Variants in CERS3 observed in about 807,000 individuals in gnomAD.
The protein encoded by CERS3 is ceramide synthase 3, also known as LAG1 homolog, ceramide synthase 3.
A neutral mutation model predicts 50.3 loss-of-function variants in CERS3; 33 were observed. The observed-to-expected ratio is 0.66, with a 90% CI of 0.50 to 0.88. CERS3 has a LOEUF of 0.88. Among genes scored for constraint, CERS3 ranks in the 40% least tolerant of loss-of-function variants. The pLI is 0.00. For missense variants in CERS3, 470 were observed against 460.3 expected (o/e 1.02, Z -0.19); for synonymous variants, 176 against 155.2 (o/e 1.13, Z -0.99).
At chr15:100,460,093 TA>T (rs1480645114) in intron 10 of CERS3, among the ~76,000 whole-genome samples, 3 of 152,176 alleles carry the variant, frequency 2.0e-5, no homozygotes, top group Non-Finnish European at 2.9e-5. Context: ...GCAAAGTAAT[TA>T]AAAAAATTTT....
chr15:100,487,400 T>C (rs2035520042), intron 4 of CERS3, among the ~76,000 whole-genome samples: 1 of 152,226 alleles, frequency 6.6e-6, no homozygotes, highest in Non-Finnish European at 1.5e-5. Context: ...CCCTATGAGA[T>C]AAGCAATATA....
Position 100,477,864 on chromosome 15 carries a change from C to T in CERS3, c.516+1564G>A, listed in dbSNP as rs372253049. 2.8e-4 allele frequency among the ~76,000 whole-genome samples: 43 copies of T among 152,304 alleles called. No individual in the cohort carries two copies. The South Asian group carries it at 7.5e-3, about 26-fold the overall frequency. ...AGAATATGGGTAAGTTGTGAATATA[C>T]TTGCCTTCACAAAGACTGAAGTCTA... On this transcript the variant is annotated intron_variant, in intron 7 of 11. Coordinates refer to ENST00000679737, the MANE Select transcript of CERS3 (RefSeq NM_001378789.1).
At chr15:100,499,492 GTCTC>G (rs1303399489) in intron 3 of CERS3, among the ~76,000 whole-genome samples, 1 of 152,100 alleles carries the variant, frequency 6.6e-6, no homozygotes, top group East Asian at 1.9e-4. Context: ...TCATCTGTCT[GTCTC>G]TCTCTTCTTG....
At chr15:100,534,433 C>G (rs1481348543) in intron 1 of CERS3, among the ~76,000 whole-genome samples, 3 of 151,754 alleles carry the variant, frequency 2.0e-5, no homozygotes, top group Non-Finnish European at 4.4e-5. Context: ...AGAGCAAGCA[C>G]AGTGTGAATG....
chr15:100,474,390 A>T (rs758929530), intron 8 of CERS3, among the ~76,000 whole-genome samples: 1 of 151,826 alleles, frequency 6.6e-6, no homozygotes, highest in Non-Finnish European at 1.5e-5. Flanking sequence ...CACTTGCTGT[A>T]TATCAGGAAG....
upstream of CERS3, among the ~76,000 whole-genome samples, chr15:100,530,643 C>T (rs867082427): frequency 6.6e-6 from 1 of 152,222 alleles, no homozygotes; most frequent in African/African-American, 2.4e-5. Context: ...ACCCCTGGAG[C>T]TCAGCTGTTC....
chr15:100,484,424 A>G (rs991299624), intron 5 of CERS3, 126 bp downstream of exon 5: 2 of 659,936 alleles, frequency 3.0e-6, no homozygotes, highest in African/African-American at 1.8e-5. Context: ...CTAAAACACC[A>G]CATCAGTGGG....
intron 1 of CERS3, among the ~76,000 whole-genome samples, chr15:100,528,216 C>T (rs12440310): frequency 0.89 from 135,656 of 152,236 alleles, 60,759 homozygotes; most frequent in Middle Eastern, 0.97. Flanking sequence ...GCCTTAGAAC[C>T]GAACAGCTAA....
chr15:100,474,057 C>T (rs67940396), intron 8 of CERS3, among the ~76,000 whole-genome samples: 18,461 of 152,144 alleles, frequency 0.12, 1,698 homozygotes, highest in African/African-American at 0.25. Context: ...TATAATTCCA[C>T]TTATATAAAA....
intron 1 of CERS3, among the ~76,000 whole-genome samples, chr15:100,524,467 C>T (rs147633206): frequency 1.9e-4 from 29 of 152,274 alleles, no homozygotes; most frequent in Admixed American, 5.2e-4. Context: ...CCACATAAGG[C>T]GGATCTCTGT....
intron 11 of CERS3, among the ~76,000 whole-genome samples, chr15:100,406,665 T>G (rs977185153): frequency 9.2e-5 from 14 of 152,070 alleles, no homozygotes; most frequent in Admixed American, 6.5e-5. Flanking sequence ...GGAGCCAGGA[T>G]CAAAAGCACT....
intron 2 of CERS3, among the ~76,000 whole-genome samples, chr15:100,504,095 C>T (rs2036093870): frequency 6.6e-6 from 1 of 152,068 alleles, no homozygotes; most frequent in Non-Finnish European, 1.5e-5. Flanking sequence ...AAGATCCACA[C>T]CAAAACCAAG....
chr15:100,541,038 C>T (rs2037190355), intron 1 of CERS3, among the ~76,000 whole-genome samples: 1 of 152,216 alleles, frequency 6.6e-6, no homozygotes, highest in African/African-American at 2.4e-5. Context: ...TTTCCAGCTA[C>T]TGAGAGTCTG....
intron 2 of CERS3, among the ~76,000 whole-genome samples, chr15:100,521,374 T>TG (rs1360396781): frequency 6.6e-6 from 1 of 152,202 alleles, no homozygotes; most frequent in Non-Finnish European, 1.5e-5. Context: ...GCAGGTGTTA[T>TG]GGGGGTGGAA....
chr15:100,464,934 A>G (rs558181821), intron 10 of CERS3, among the ~76,000 whole-genome samples: 1 of 152,322 alleles, frequency 6.6e-6, no homozygotes, highest in South Asian at 2.1e-4. Flanking sequence ...CAGAAGTAAA[A>G]GAGTGCAGTG....
intron 11 of CERS3, among the ~76,000 whole-genome samples, chr15:100,442,476 C>T (rs1178488611): frequency 2.0e-5 from 3 of 152,232 alleles, no homozygotes; most frequent in Non-Finnish European, 4.4e-5. Context: ...ACCCCAGCCA[C>T]ATCTCCAGCA....
At chr15:100,449,126 C>T (rs980520292) in intron 11 of CERS3, among the ~76,000 whole-genome samples, 2 of 152,322 alleles carry the variant, frequency 1.3e-5, no homozygotes, top group Middle Eastern at 3.4e-3. Context: ...CCCAAGTATA[C>T]CATTGGAAGG....
chr15:100,505,522 T>C (rs1377156219), intron 2 of CERS3, among the ~76,000 whole-genome samples: 1 of 152,242 alleles, frequency 6.6e-6, no homozygotes, highest in Non-Finnish European at 1.5e-5. Context: ...CTTCACTCTT[T>C]CTTCATGTAC....
rs1335617514 is a variant in CERS3, at chr15:100,483,784, A to ATTTTTTT, written c.407+765_407+766insAAAAAAA. On this transcript the variant is annotated intron_variant, in intron 5 of 11. Transcript: ENST00000679737. The stretch of plus-strand genomic sequence containing the variant: ...ATCAATAATAATAATAATTATTATT[A>ATTTTTTT]TTATTTTTTTTTTTGAGACAGAGTC... Among the ~76,000 whole-genome samples, 74 of 89,410 alleles carry ATTTTTTT rather than the reference A, an allele frequency of 8.3e-4. 1 individual carries two copies. Among genetic ancestry groups the ATTTTTTT allele is most frequent in the African/African-American group, 2.5e-3 (53 of 21,468 alleles). The allele number at this position is 89,410 out of a possible 152,430, so 58.7% of individuals were successfully genotyped here.
Sources: gnomAD v4.1 joint callset for allele counts (sites outside exome capture counted in the v4.1 genomes callset) on GRCh38, gnomAD v4.1.1 for gene constraint, MANE v1.5 for transcripts, NCBI Gene and HGNC (gene_info 2026-07-23, HGNC 2026-07-21) for gene names.